Variants in ANXA8 observed in about 807,000 individuals in gnomAD.
ANXA8 encodes the protein VAC-beta.
In ANXA8, 9 loss-of-function variants were observed where a neutral mutation model predicts 26.8. The observed-to-expected ratio is 0.34, with a 90% CI of 0.20 to 0.59. The LOEUF (loss-of-function observed/expected upper bound fraction) is 0.59. Ranked by LOEUF, ANXA8 falls within the 20% of genes least tolerant of loss-of-function variation. The pLI, the probability that ANXA8 is intolerant of heterozygous loss-of-function variation, is 0.84. For missense variants in ANXA8, 83 were observed against 238.5 expected (o/e 0.35, Z 4.29); for synonymous variants, 39 against 94.8 (o/e 0.41, Z 3.42).
chr10:47,660,008 C>T, the ANXA8 span, among the ~76,000 whole-genome samples: 9,304 of 146,548 alleles, frequency 0.063, 174 homozygotes, highest in Non-Finnish European at 0.075. Flanking sequence ...CCACCAGCCT[C>T]GGCCTCACAG....
the ANXA8 span, among the ~76,000 whole-genome samples, chr10:47,738,724 G>A: frequency 1.3e-5 from 2 of 151,834 alleles, no homozygotes; most frequent in South Asian, 2.1e-4. Flanking sequence ...CTACAGGCAT[G>A]TGCCACCACA....
chr10:47,680,356 C>T, the ANXA8 span, among the ~76,000 whole-genome samples: 1 of 151,750 alleles, frequency 6.6e-6, no homozygotes, highest in Non-Finnish European at 1.5e-5. Flanking sequence ...GAACTGTGGC[C>T]CGGCGTGGTG....
the ANXA8 span, among the ~76,000 whole-genome samples, chr10:47,940,318 T>C: frequency 6.9e-6 from 1 of 144,012 alleles, no homozygotes; most frequent in African/African-American, 2.8e-5. Context: ...AGTAAATTGG[T>C]TTCCACCATG....
At chr10:47,497,360 A>C in the ANXA8 span, among the ~76,000 whole-genome samples, 1 of 143,424 alleles carries the variant, frequency 7.0e-6, no homozygotes, top group Non-Finnish European at 1.5e-5. Flanking sequence ...TCACACCTGT[A>C]ATCCCAGCAC....
At chr10:47,659,408 G>A in the ANXA8 span, among the ~76,000 whole-genome samples, 10 of 151,736 alleles carry the variant, frequency 6.6e-5, no homozygotes, top group Non-Finnish European at 1.0e-4. Context: ...GGCCGGGCGC[G>A]GTGGCTCATG....
the ANXA8 span, among the ~76,000 whole-genome samples, chr10:47,743,259 T>C: frequency 1.0e-4 from 13 of 127,554 alleles, no homozygotes; most frequent in African/African-American, 2.6e-4. Flanking sequence ...TATATATATA[T>C]ATATACATAT....
the ANXA8 span, among the ~76,000 whole-genome samples, chr10:47,595,402 C>T: frequency 6.8e-6 from 1 of 147,624 alleles, no homozygotes; most frequent in Non-Finnish European, 1.5e-5. Flanking sequence ...AACACAATCT[C>T]ACATATCAAT....
the ANXA8 span, among the ~76,000 whole-genome samples, chr10:47,493,725 C>A: frequency 6.6e-6 from 1 of 151,012 alleles, no homozygotes; most frequent in East Asian, 2.0e-4. Context: ...CTGGGGACAA[C>A]TGCCCTTCCC....
the ANXA8 span, among the ~76,000 whole-genome samples, chr10:47,976,634 G>A: frequency 1.3e-5 from 2 of 148,168 alleles, no homozygotes; most frequent in African/African-American, 2.5e-5. Context: ...CACTGGGGAG[G>A]ACAGAATAGG....
the ANXA8 span, among the ~76,000 whole-genome samples, chr10:47,755,555 CTTTTTT>C: frequency 3.6e-5 from 3 of 82,986 alleles, no homozygotes; most frequent in Non-Finnish European, 6.7e-5. Flanking sequence ...GTGCCCGGCC[CTTTTTT>C]TTTTTTTTTT....
At chr10:47,566,222 G>C in the ANXA8 span, among the ~76,000 whole-genome samples, 1 of 151,900 alleles carries the variant, frequency 6.6e-6, no homozygotes, top group East Asian at 1.9e-4. Context: ...TTTACTGTCT[G>C]GTATTTAAAC....
At chr10:47,748,360 C>T in the ANXA8 span, among the ~76,000 whole-genome samples, 15 of 148,488 alleles carry the variant, frequency 1.0e-4, 1 homozygote, top group Admixed American at 2.7e-4. Flanking sequence ...TACAGGCACG[C>T]GCCACCATGC....
At chr10:47,680,649 C>CA in the ANXA8 span, among the ~76,000 whole-genome samples, 2 of 151,360 alleles carry the variant, frequency 1.3e-5, no homozygotes. Context: ...AAAAAAAAAT[C>CA]AAATTGTACC....
the ANXA8 span, among the ~76,000 whole-genome samples, chr10:47,733,146 T>A: frequency 4.4e-4 from 19 of 43,664 alleles, no homozygotes; most frequent in East Asian, 9.0e-4. Context: ...CTCCCTAATC[T>A]TTCTTTCTTT....
the ANXA8 span, among the ~76,000 whole-genome samples, chr10:47,735,089 T>TTTTTG: frequency 2.6e-5 from 4 of 151,036 alleles, no homozygotes; most frequent in South Asian, 6.2e-4. Context: ...TGTTCCTTGT[T>TTTTTG]TTTTGTTTTG....
At chr10:47,970,601 A>C in the ANXA8 span, 2 of 151,464 alleles carry the variant, frequency 1.3e-5, no homozygotes, top group Non-Finnish European at 3.0e-5. Flanking sequence ...CTGACCTGAC[A>C]TTATTCACAT....
At chr10:47,510,844 A>G in the ANXA8 span, among the ~76,000 whole-genome samples, 1 of 125,888 alleles carries the variant, frequency 7.9e-6, no homozygotes. Flanking sequence ...AAAAAAAAAA[A>G]AAAAGAAAGA....
the ANXA8 span, among the ~76,000 whole-genome samples, chr10:47,695,787 C>T: frequency 6.6e-6 from 1 of 151,758 alleles, no homozygotes; most frequent in Non-Finnish European, 1.5e-5. Context: ...TTTGCTCTAC[C>T]TACAATTGTT....
the ANXA8 span, among the ~76,000 whole-genome samples, chr10:47,672,781 C>A: frequency 2.0e-5 from 3 of 151,828 alleles, no homozygotes; most frequent in East Asian, 5.8e-4. Context: ...GGGAGTGAAC[C>A]ATTCGAGGTC....
Sources: gnomAD v4.1 joint callset for allele counts (sites outside exome capture counted in the v4.1 genomes callset) on GRCh38, gnomAD v4.1.1 for gene constraint, MANE v1.5 for transcripts, NCBI Gene and HGNC (gene_info 2026-07-23, HGNC 2026-07-21) for gene names.